STAT5B: variants seen among roughly 807,000 people sequenced by gnomAD.
The protein encoded by STAT5B is signal transducer and activator of transcription 5B, also known as transcription factor STAT5B.
In STAT5B, 21 loss-of-function variants were observed where a neutral mutation model predicts 107.8. The ratio of observed to expected loss-of-function variants is 0.19; its 90% confidence interval spans 0.14 to 0.28. STAT5B has a LOEUF of 0.28. STAT5B is among the 10% of genes least tolerant of loss of function. STAT5B has a pLI of 1.00. For synonymous variants in STAT5B, 325 were observed against 401.7 expected (o/e 0.81, Z 2.28); for missense variants, 565 against 1,008.2 (o/e 0.56, Z 5.95).
At chr17:42,264,245 T>C (rs982471377) in intron 1 of STAT5B, among the ~76,000 whole-genome samples, 3 of 151,974 alleles carry the variant, frequency 2.0e-5, no homozygotes, top group Non-Finnish European at 4.4e-5. Flanking sequence ...TTAGGGTACA[T>C]GTGCACATTG....
intron 13 of STAT5B, among the ~76,000 whole-genome samples, chr17:42,211,274 G>A (rs543611592): frequency 7.9e-5 from 12 of 152,128 alleles, no homozygotes; most frequent in Admixed American, 2.6e-4. Flanking sequence ...TTGGGAGGCC[G>A]AGGCGGGCAG....
At chr17:42,240,734 T>C (rs1361759547) in intron 1 of STAT5B, among the ~76,000 whole-genome samples, 1 of 152,242 alleles carries the variant, frequency 6.6e-6, no homozygotes, top group Non-Finnish European at 1.5e-5. Flanking sequence ...CCTGAGAACC[T>C]GCACTTACTT....
chr17:42,262,778 A>ATATATATACACATATATATGTGTGTG (rs2080612730), intron 1 of STAT5B, among the ~76,000 whole-genome samples: 1 of 131,296 alleles, frequency 7.6e-6, no homozygotes, highest in African/African-American at 2.9e-5. Context: ...ACATATATGT[A>ATATATATACACATATATATGTGTGTG]TATATATACA....
At chr17:42,209,452 G>A (rs1232303967) in intron 15 of STAT5B, among the ~76,000 whole-genome samples, 3 of 152,228 alleles carry the variant, frequency 2.0e-5, no homozygotes, top group African/African-American at 4.8e-5. Context: ...ATGCCCTGGT[G>A]CAGTGGCTCA....
intron 15 of STAT5B, among the ~76,000 whole-genome samples, chr17:42,209,503 T>C (rs991974390): frequency 1.3e-5 from 2 of 152,132 alleles, no homozygotes; most frequent in African/African-American, 4.8e-5. Flanking sequence ...AAGTGGGGGA[T>C]TGTTTGAGCC....
rs1198229318 is a variant in STAT5B at position 42,202,433 on chromosome 17, G to A, written c.2144C>T (p.Ser715Phe). 1.2e-6 allele frequency: 2 copies of A among 1,614,164 alleles called. No homozygotes were observed. The highest frequency in any genetic ancestry group is 1.7e-5 in the Admixed American group (1 of 60,036). The change falls in exon 18 of 19, where the codon TCT (serine) becomes TTT (phenylalanine). Residue 715 changes from serine to phenylalanine, a missense_variant. Physicochemically the swap from Ser to Phe is radical, Grantham distance 155. This residue lies in a region of STAT5B where 76 missense variants were observed against 110.2 expected (regional missense o/e 0.69). Transcript: ENST00000293328. ...GGCGCTGCCGCCCCCGGCATCTGCA[G>A]ATGCGTTCACAAACCTGCAGAAGGA... ...KQVVPEFVNASADAGGGSATY... is the reference protein window; with the variant it reads ...KQVVPEFVNAFADAGGGSATY...
chr17:42,234,740 T>A (rs1262709223), intron 1 of STAT5B: 2 of 152,242 alleles, frequency 1.3e-5, no homozygotes. Flanking sequence ...CATGCGTCTA[T>A]AATTCCAGCT....
At chr17:42,213,350 G>A (rs1035999026) in intron 12 of STAT5B, among the ~76,000 whole-genome samples, 14 of 151,946 alleles carry the variant, frequency 9.2e-5, no homozygotes, top group African/African-American at 3.4e-4. Flanking sequence ...GGGACTACAG[G>A]CGTGCACCAC....
In STAT5B at chr17:42,219,710, A is replaced by T; in HGVS notation, c.681+2T>A. On this transcript the variant is annotated splice_donor_variant, in intron 6 of 18. Transcript: ENST00000293328. LOFTEE classifies it high-confidence loss of function. ...CCAGGAGAGGCCCAGGACCCCACTC[A>T]CCACGCGGTACTGCTGCAGTGTCTG... is the stretch of plus-strand genomic sequence containing the variant. 6.2e-7 allele frequency: 1 copy of T among 1,602,818 alleles called. No homozygotes were observed. Among genetic ancestry groups the T allele is most frequent in the Non-Finnish European group, 8.5e-7 (1 of 1,176,266 alleles).
intron 1 of STAT5B, among the ~76,000 whole-genome samples, chr17:42,265,523 T>C (rs886685802): frequency 4.0e-5 from 6 of 151,890 alleles, no homozygotes; most frequent in Admixed American, 2.6e-4. Context: ...CAGCTAATTT[T>C]TGTATTTTTA....
At chr17:42,220,814 A>G (rs2080219317) in intron 5 of STAT5B, among the ~76,000 whole-genome samples, 1 of 152,206 alleles carries the variant, frequency 6.6e-6, no homozygotes. Context: ...AATAGGTAAG[A>G]CACAGGGAAC....
At chr17:42,258,093 G>A (rs1199158203) in intron 1 of STAT5B, among the ~76,000 whole-genome samples, 1 of 152,024 alleles carries the variant, frequency 6.6e-6, no homozygotes, top group Non-Finnish European at 1.5e-5. Context: ...CAGTATATTT[G>A]GAAGAAAGGA....
chr17:42,250,361 A>C (rs920606962), intron 1 of STAT5B, among the ~76,000 whole-genome samples: 2 of 152,182 alleles, frequency 1.3e-5, no homozygotes, highest in Non-Finnish European at 2.9e-5. Context: ...AAAACGTATT[A>C]GTTTGTTATG....
At chr17:42,250,094 T>C (rs915887518) in intron 1 of STAT5B, among the ~76,000 whole-genome samples, 3 of 152,164 alleles carry the variant, frequency 2.0e-5, no homozygotes, top group African/African-American at 7.2e-5. Context: ...ATTTTAAACA[T>C]TTTTCTCAAC....
intron 11 of STAT5B, among the ~76,000 whole-genome samples, chr17:42,216,531 A>C (rs1399127468): frequency 5.9e-5 from 9 of 151,922 alleles, no homozygotes; most frequent in Admixed American, 3.9e-4. Flanking sequence ...TTCATGTTTT[A>C]TTTTTTATTT....
chr17:42,231,947 TCCAATATTCTTGTGTTTCACA>T, intron 2 of STAT5B, 32 bp downstream of exon 2: 2 of 1,610,838 alleles, frequency 1.2e-6, no homozygotes, highest in Non-Finnish European at 8.5e-7. Context: ...CTAAACAAAC[TCCAATATTCTTGTGTTTCACA>T]AAATATGATG....
At chr17:42,282,028 G>C in the STAT5B span, among the ~76,000 whole-genome samples, 1 of 152,312 alleles carries the variant, frequency 6.6e-6, no homozygotes, top group Non-Finnish European at 1.5e-5. Context: ...GCAGGCAGAG[G>C]CCAGGGCAGC....
Position 42,200,837 on chromosome 17 carries a change from G to C in STAT5B, c.*901C>G, listed in dbSNP as rs2080037957. 5.3e-6 allele frequency: 2 copies of C among 379,468 alleles called. No individual in the cohort carries two copies. 23.5% of individuals were successfully genotyped at this position (379,468 alleles called of 1,614,324 possible). A position where few individuals can be genotyped will look rare whatever the true frequency, so the allele number is the denominator to read the frequency against. ...CATCCGCTGGCTCAGAGAAAGGCTG[G>C]GCAGCCGGAACAGCAGCTTCCTGGG... On this transcript the variant is annotated 3_prime_UTR_variant, in exon 19 of 19. Transcript: ENST00000293328.
intron 12 of STAT5B, among the ~76,000 whole-genome samples, chr17:42,213,959 T>C (rs1180981872): frequency 2.0e-5 from 3 of 151,172 alleles, no homozygotes; most frequent in Non-Finnish European, 4.4e-5. Flanking sequence ...CTGGCCAACA[T>C]GGTGAGACCT....
Sources: gnomAD v4.1 joint callset for allele counts (sites outside exome capture counted in the v4.1 genomes callset) on GRCh38, gnomAD v4.1.1 for gene constraint, gnomAD v4.1.1 regional missense constraint, MANE v1.5 for transcripts, NCBI Gene and HGNC (gene_info 2026-07-23, HGNC 2026-07-21) for gene names.